Variants in TMEM131 observed in about 807,000 individuals in gnomAD.
The protein encoded by TMEM131 is transmembrane protein 131, also known as 2610524E03Rik.
TMEM131 carries 66 observed loss-of-function variants against 211.6 expected under a neutral mutation model. That is an observed-to-expected ratio of 0.31 (90% CI 0.26 to 0.38). The LOEUF (loss-of-function observed/expected upper bound fraction) is 0.38, where lower values mean the gene tolerates loss of function less well. Ranked by LOEUF, TMEM131 falls within the 10% of genes least tolerant of loss-of-function variation. The pLI, the probability that TMEM131 is intolerant of heterozygous loss-of-function variation, is 1.00. For missense variants in TMEM131, 2,036 were observed against 2,299.3 expected, an observed-to-expected ratio of 0.89 and a Z score of 2.34; for synonymous variants, 844 against 841.3, an observed-to-expected ratio of 1.00 and a Z score of -0.06.
intron 31 of TMEM131, among the ~76,000 whole-genome samples, chr2:97,781,994 G>C (rs1680030746): frequency 6.6e-6 from 1 of 152,236 alleles, no homozygotes; most frequent in Non-Finnish European, 1.5e-5. Flanking sequence ...ACCCTTGCAA[G>C]GCTGTAACCA....
At chr2:97,914,284 C>G (rs1676412943) in intron 2 of TMEM131, among the ~76,000 whole-genome samples, 1 of 152,208 alleles carries the variant, frequency 6.6e-6, no homozygotes, top group African/African-American at 2.4e-5. Flanking sequence ...TATATTTTAA[C>G]TCAGTTTCCC....
intron 1 of TMEM131, among the ~76,000 whole-genome samples, chr2:97,986,319 T>C (rs1380266954): frequency 6.6e-6 from 1 of 152,154 alleles, no homozygotes; most frequent in African/African-American, 2.4e-5. Flanking sequence ...TCTATTTTTT[T>C]AAATGGGGAA....
Position 97,792,593 on chromosome 2 carries a change from G to A in TMEM131, c.3937C>T (p.Pro1313Ser). Residue 1313 changes from proline to serine, a missense_variant, in exon 31 of 41, where the codon CCC (proline) becomes TCC (serine). By Grantham distance (74) the Pro-to-Ser change is moderately conservative. Transcript: ENST00000186436. ...AGCCTTTCAGGCTGCGGCTCCTGGG[G>A]CTGAGGCACTGGCGGTGGCAGAGGA... Reference protein sequence around the residue: ...QPPLPPPVPQPQEPQPERLSP... With the variant: ...QPPLPPPVPQSQEPQPERLSP... 6.2e-7 allele frequency: 1 copy of A among 1,613,134 alleles called. No homozygotes were observed. The highest frequency in any genetic ancestry group is 8.5e-7 in the Non-Finnish European group (1 of 1,179,514).
intron 33 of TMEM131, 113 bp downstream of exon 33, chr2:97,772,184 T>C: frequency 7.7e-7 from 1 of 1,294,442 alleles, no homozygotes; most frequent in Non-Finnish European, 1.1e-6. Flanking sequence ...GATTTTGCTA[T>C]CAACTCCCCT....
chr2:97,930,211 C>A (rs187345289), intron 1 of TMEM131, among the ~76,000 whole-genome samples: 3 of 151,872 alleles, frequency 2.0e-5, no homozygotes, highest in Admixed American at 6.5e-5. Context: ...AGCTTTATGT[C>A]TAATTGGCAG....
intron 20 of TMEM131, 50 bp from the exon 21 acceptor site, chr2:97,805,501 T>C: frequency 1.9e-6 from 3 of 1,612,714 alleles, no homozygotes; most frequent in Non-Finnish European, 2.5e-6. Flanking sequence ...CAGGAGGTCA[T>C]AAAACAAAAT....
intron 1 of TMEM131, among the ~76,000 whole-genome samples, chr2:97,947,702 AG>A (rs1283300966): frequency 1.3e-5 from 2 of 152,134 alleles, no homozygotes; most frequent in Non-Finnish European, 1.5e-5. Flanking sequence ...TGATTCTAAA[AG>A]TTATACAGAA....
At chr2:97,995,385 G>T in intron 1 of TMEM131, 91 bp downstream of exon 1, 6 of 1,226,796 alleles carry the variant, frequency 4.9e-6, no homozygotes, top group Non-Finnish European at 6.2e-6. Flanking sequence ...CGGAGCCCCG[G>T]CCGCGGCCCT....
intron 4 of TMEM131, among the ~76,000 whole-genome samples, chr2:97,877,382 G>A (rs1232462707): frequency 6.6e-6 from 1 of 152,100 alleles, no homozygotes; most frequent in Non-Finnish European, 1.5e-5. Context: ...AACCAAAAAA[G>A]AACCCGTATT....
chr2:97,902,141 ATAAAC>A (rs1406071703), intron 3 of TMEM131, among the ~76,000 whole-genome samples: 1 of 152,180 alleles, frequency 6.6e-6, no homozygotes, highest in Non-Finnish European at 1.5e-5. Flanking sequence ...AGAGAAACAA[ATAAAC>A]TAAACTTCAT....
chr2:97,973,950 C>G (rs1679413616), intron 1 of TMEM131, among the ~76,000 whole-genome samples: 1 of 152,124 alleles, frequency 6.6e-6, no homozygotes, highest in Non-Finnish European at 1.5e-5. Context: ...TAGCAGCACC[C>G]AACAACGTAA....
At chr2:97,992,142 C>G (rs1205302277) in intron 1 of TMEM131, among the ~76,000 whole-genome samples, 1 of 152,202 alleles carries the variant, frequency 6.6e-6, no homozygotes, top group East Asian at 1.9e-4. Context: ...ACACATCTCA[C>G]TCTTAAGAAA....
At chr2:97,798,373 C>T (rs1680869656) in intron 25 of TMEM131, among the ~76,000 whole-genome samples, 6 of 152,218 alleles carry the variant, frequency 3.9e-5, no homozygotes, top group Admixed American at 3.9e-4. Flanking sequence ...ATGGCTTCTG[C>T]TATCATGGAA....
intron 4 of TMEM131, among the ~76,000 whole-genome samples, chr2:97,885,863 G>C (rs534729823): frequency 1.3e-4 from 20 of 152,258 alleles, no homozygotes; most frequent in African/African-American, 4.6e-4. Context: ...CATTAAGTAT[G>C]TTTTCTAAGC....
chr2:97,758,530 C>T (rs1002366544), intron 40 of TMEM131, among the ~76,000 whole-genome samples: 3 of 152,154 alleles, frequency 2.0e-5, no homozygotes, highest in Non-Finnish European at 4.4e-5. Flanking sequence ...GCACAGATGC[C>T]GAAGGCTTCC....
At chr2:97,803,767 C>T (rs958320534) in intron 22 of TMEM131, among the ~76,000 whole-genome samples, 1 of 152,042 alleles carries the variant, frequency 6.6e-6, no homozygotes, top group Non-Finnish European at 1.5e-5. Context: ...GGAGGGCAGG[C>T]TTTTTGTGGG....
chr2:97,859,489 G>C (rs1309508237), intron 4 of TMEM131, 62 bp from the exon 5 acceptor site: 2 of 1,375,298 alleles, frequency 1.5e-6, no homozygotes, highest in African/African-American at 1.5e-5. Flanking sequence ...ATTTCTAGTT[G>C]TTAAAAAATT....
chr2:97,873,693 C>T (rs765821143), intron 4 of TMEM131, among the ~76,000 whole-genome samples: 8 of 152,164 alleles, frequency 5.3e-5, no homozygotes, highest in East Asian at 3.9e-4. Flanking sequence ...AGGAATAGCA[C>T]GTCCACTCAA....
chr2:97,853,231 T>G (rs1326712343), intron 5 of TMEM131, among the ~76,000 whole-genome samples: 1 of 152,136 alleles, frequency 6.6e-6, no homozygotes, highest in East Asian at 1.9e-4. Context: ...CAAAGGGTGA[T>G]TCCTCTGATG....
Sources: allele counts gnomAD v4.1 joint callset (sites outside exome capture counted in the v4.1 genomes callset), GRCh38; gene constraint gnomAD v4.1.1; transcripts MANE v1.5; gene names NCBI Gene and HGNC (gene_info 2026-07-23, HGNC 2026-07-21).